The following CDH20 variants were observed in gnomAD, a reference collection of about 807,000 sequenced individuals.
CDH20 encodes the protein cadherin-20.
In CDH20, 29 loss-of-function variants were observed where a neutral mutation model predicts 74.2. The observed-to-expected ratio is 0.39, with a 90% CI of 0.29 to 0.53. CDH20 has a LOEUF of 0.53. CDH20 is among the 20% of genes least tolerant of loss of function. The probability of loss-of-function intolerance (pLI) is 0.69; values close to 1 mark genes in which losing one functional copy is unlikely to be tolerated. For synonymous variants in CDH20, 469 were observed against 405.4 expected (o/e 1.16, Z -1.88); for missense variants, 988 against 1,048.3 (o/e 0.94, Z 0.79).
chr18:61,415,552 T>C (rs375162926), intron 1 of CDH20, among the ~76,000 whole-genome samples: 35 of 152,288 alleles, frequency 2.3e-4, no homozygotes, highest in African/African-American at 8.2e-4. Flanking sequence ...ACTCATCTTT[T>C]CTTGAGTTGG....
intron 1 of CDH20, among the ~76,000 whole-genome samples, chr18:61,490,074 A>C (rs956885334): frequency 2.6e-5 from 4 of 152,194 alleles, no homozygotes; most frequent in African/African-American, 9.6e-5. Context: ...GTCTGATCAT[A>C]AATATTTCAA....
Position 61,496,940 on chromosome 18 carries a change from A to G in CDH20, c.247-2246A>G, listed in dbSNP as rs192586522. Among the ~76,000 whole-genome samples, 1,105 of 152,120 alleles carry G rather than the reference A, an allele frequency of 7.3e-3. 10 individuals are homozygous for G. Among genetic ancestry groups the G allele is most frequent in the Non-Finnish European group, 9.9e-3 (674 of 67,968 alleles). ...CTTCTGAAATCCTTGTTCTCCCCAC[A>G]CTTCTGTTCCTCTGCCTGAGAACAC... On this transcript the variant is annotated intron_variant, in intron 2 of 11. Coordinates refer to ENST00000262717, the MANE Select transcript of CDH20 (RefSeq NM_031891.4).
intron 1 of CDH20, among the ~76,000 whole-genome samples, chr18:61,483,837 A>C (rs1338154018): frequency 2.0e-5 from 3 of 152,214 alleles, no homozygotes; most frequent in African/African-American, 7.2e-5. Context: ...ACAAACAGAG[A>C]CATAAAGAGA....
chr18:61,449,099 C>G (rs529251191), intron 1 of CDH20, among the ~76,000 whole-genome samples: 41 of 152,280 alleles, frequency 2.7e-4, no homozygotes, highest in African/African-American at 8.9e-4. Flanking sequence ...TCACATAGGA[C>G]TTTTCTCATT....
intron 1 of CDH20, among the ~76,000 whole-genome samples, chr18:61,444,293 T>C (rs959921248): frequency 6.6e-6 from 1 of 152,122 alleles, no homozygotes; most frequent in African/African-American, 2.4e-5. Context: ...AAGGTATGGG[T>C]ATATAAGACA....
At position 61,364,577 on chromosome 18, in the gene CDH20, G is replaced by T. The variant is rs529132693; in HGVS notation, c.-153+30750G>T. On this transcript the variant is annotated intron_variant, in intron 1 of 11. Transcript: ENST00000262717. ...TCTGCCTGCCTCAGCCTCCCAAAGT[G>T]CTGGGATTACAGGCGTGAGCCACTG... Among the ~76,000 whole-genome samples the T allele has an allele frequency of 1.4e-4, 21 of 152,300 alleles. No homozygotes were observed. The South Asian group carries it at 4.1e-3, about 30-fold the overall frequency.
At chr18:61,335,565 C>T (rs1257280757) in intron 1 of CDH20, among the ~76,000 whole-genome samples, 1 of 152,204 alleles carries the variant, frequency 6.6e-6, no homozygotes, top group Non-Finnish European at 1.5e-5. Context: ...GGCTGTGAAC[C>T]AAGCTCTCAG....
intron 1 of CDH20, among the ~76,000 whole-genome samples, chr18:61,420,900 A>G (rs1293675416): frequency 6.6e-6 from 1 of 152,142 alleles, no homozygotes; most frequent in Non-Finnish European, 1.5e-5. Flanking sequence ...CTAAAAATAC[A>G]AAAACTAGCT....
intron 1 of CDH20, among the ~76,000 whole-genome samples, chr18:61,475,449 A>G (rs1910337489): frequency 6.6e-6 from 1 of 152,224 alleles, no homozygotes; most frequent in African/African-American, 2.4e-5. Flanking sequence ...CTAATCTTAC[A>G]TTGTTCAATG....
rs116001323 is a variant in CDH20, at chr18:61,369,140, G to A, written c.-153+35313G>A. Among the ~76,000 whole-genome samples the A allele has an allele frequency of 6.7e-3, 1,012 of 152,056 alleles. 13 individuals are homozygous for A. Among genetic ancestry groups the A allele is most frequent in the African/African-American group, 0.023 (953 of 41,470 alleles). On this transcript the variant is annotated intron_variant, in intron 1 of 11. Coordinates refer to ENST00000262717, the MANE Select transcript of CDH20 (RefSeq NM_031891.4). ...TATTATGTAGGTCTACTCTGCATCC[G>A]GTGGATATGTATATTTCAAATAAGG...
chr18:61,350,529 T>C (rs1910269159), intron 1 of CDH20, among the ~76,000 whole-genome samples: 1 of 152,118 alleles, frequency 6.6e-6, no homozygotes, highest in African/African-American at 2.4e-5. Flanking sequence ...ATTATCTTCT[T>C]GGGAAGAGGA....
chr18:61,488,455 C>T (rs1228942218), intron 1 of CDH20, among the ~76,000 whole-genome samples: 1 of 152,098 alleles, frequency 6.6e-6, no homozygotes, highest in African/African-American at 2.4e-5. Context: ...ATTTACAGGG[C>T]ACTTTTTTGC....
At chr18:61,489,331 T>G (rs1489315756) in intron 1 of CDH20, among the ~76,000 whole-genome samples, 2 of 152,154 alleles carry the variant, frequency 1.3e-5, no homozygotes, top group Non-Finnish European at 2.9e-5. Context: ...TGAAGTGTTA[T>G]TTAGTTTCAC....
chr18:61,541,895 G>A (rs1027700176), intron 9 of CDH20, among the ~76,000 whole-genome samples: 1 of 152,180 alleles, frequency 6.6e-6, no homozygotes, highest in South Asian at 2.1e-4. Context: ...GACAAGTGGG[G>A]CTGAGGAAGA....
rs114737778 is a variant in CDH20 at position 61,353,067 on chromosome 18, C to T, written c.-153+19240C>T. ...AGCAACCTTCACATGCTGTCCATAGCTTCTATTTTATGGCTACCCTGGTCA... is the reference window on the plus strand; with the variant it reads ...AGCAACCTTCACATGCTGTCCATAGTTTCTATTTTATGGCTACCCTGGTCA... On this transcript the variant is annotated intron_variant, in intron 1 of 11. Coordinates refer to ENST00000262717, the MANE Select transcript of CDH20 (RefSeq NM_031891.4). This position sits in a 1 kb window ranked among gnomAD's most constrained non-coding sequence, Gnocchi z 4.6. Among the ~76,000 whole-genome samples the T allele has an allele frequency of 5.2e-4, 79 of 152,342 alleles. No homozygotes were observed. Among genetic ancestry groups the T allele is most frequent in the African/African-American group, 1.8e-3 (75 of 41,576 alleles).
At chr18:61,440,914 G>C (rs1175883836) in intron 1 of CDH20, among the ~76,000 whole-genome samples, 5 of 152,174 alleles carry the variant, frequency 3.3e-5, no homozygotes, top group African/African-American at 1.2e-4. Flanking sequence ...TCTACCTCTT[G>C]ATGGATGGAG....
intron 1 of CDH20, among the ~76,000 whole-genome samples, chr18:61,384,404 A>C (rs776405476): frequency 1.3e-5 from 2 of 152,158 alleles, no homozygotes; most frequent in African/African-American, 2.4e-5. Flanking sequence ...AATCTTCTGA[A>C]GGTAGAAAGA....
At chr18:61,345,720 A>G (rs1910095592) in intron 1 of CDH20, among the ~76,000 whole-genome samples, 1 of 152,180 alleles carries the variant, frequency 6.6e-6, no homozygotes, top group Non-Finnish European at 1.5e-5. Flanking sequence ...AATGTTCTGA[A>G]TCAAGAACCC....
intron 1 of CDH20, among the ~76,000 whole-genome samples, chr18:61,364,981 C>T (rs1041660990): frequency 1.3e-5 from 2 of 152,166 alleles, no homozygotes; most frequent in Non-Finnish European, 2.9e-5. Flanking sequence ...TTAATGTTGA[C>T]AGAATCTCAT....
Sources: gnomAD v4.1 joint callset for allele counts (sites outside exome capture counted in the v4.1 genomes callset) on GRCh38, gnomAD v4.1.1 for gene constraint, Gnocchi (gnomAD v3.1) non-coding constraint, MANE v1.5 for transcripts, NCBI Gene and HGNC (gene_info 2026-07-23, HGNC 2026-07-21) for gene names.